Variants in FAM185A observed in about 807,000 individuals in gnomAD.
FAM185A encodes protein FAM185A.
A neutral mutation model predicts 45.7 loss-of-function variants in FAM185A; 21 were observed. That is an observed-to-expected ratio of 0.46 (90% CI 0.33 to 0.66). The LOEUF is 0.66. Ranked by LOEUF, FAM185A falls within the 30% of genes least tolerant of loss-of-function variation. The probability of loss-of-function intolerance (pLI) is 0.03; values close to 1 mark genes in which losing one functional copy is unlikely to be tolerated. For missense variants in FAM185A, 305 were observed against 485.4 expected, an observed-to-expected ratio of 0.63 and a Z score of 3.49; for synonymous variants, 117 against 194.0, an observed-to-expected ratio of 0.60 and a Z score of 3.30.
At chr7:102,755,815 A>T (rs912730948) in intron 2 of FAM185A, 1 of 676,610 alleles carries the variant, frequency 1.5e-6, no homozygotes, top group African/African-American at 1.8e-5. Context: ...GGGACCAATT[A>T]CAATGCCAGA....
chr7:102,757,360 G>A (rs1362532196), intron 2 of FAM185A, among the ~76,000 whole-genome samples: 1 of 152,020 alleles, frequency 6.6e-6, no homozygotes, highest in African/African-American at 2.4e-5. Context: ...TCTGAATCTT[G>A]GCATTCTTCC....
At chr7:102,782,085 C>T (rs200617075) in intron 6 of FAM185A, among the ~76,000 whole-genome samples, 11 of 150,644 alleles carry the variant, frequency 7.3e-5, no homozygotes, top group African/African-American at 9.8e-5. Flanking sequence ...TGAAATGAAG[C>T]GAGAAGTTTA....
intron 4 of FAM185A, among the ~76,000 whole-genome samples, chr7:102,766,688 G>T (rs1255071187): frequency 1.3e-5 from 2 of 151,808 alleles, no homozygotes; most frequent in Non-Finnish European, 2.9e-5. Flanking sequence ...TGAAATTCTA[G>T]TATTTATTCC....
intron 7 of FAM185A, among the ~76,000 whole-genome samples, chr7:102,805,928 T>G (rs1038124236): frequency 2.0e-5 from 3 of 152,168 alleles, no homozygotes; most frequent in Non-Finnish European, 4.4e-5. Flanking sequence ...GGCTCATGGG[T>G]GTGACCTCCT....
Position 102,757,938 on chromosome 7 carries a change from G to C in FAM185A, c.646G>C (p.Asp216His). The C allele has an allele frequency of 1.3e-6, 2 of 1,530,734 alleles. No individual in the cohort carries two copies. Among genetic ancestry groups the C allele is most frequent in the Admixed American group, 2.2e-5 (1 of 45,292 alleles). The allele number at this position is 1,530,734 out of a possible 1,614,324, so 94.8% of individuals were successfully genotyped here. A position where few individuals can be genotyped will look rare whatever the true frequency, so the allele number is the denominator to read the frequency against. ...VYGNIDIHAS[D>H]KSAVTIDKLQ... The stretch of plus-strand genomic sequence containing the variant: ...TGGAAATATAGATATTCATGCATCA[G>C]ATAAAAGTGTAAGATTGAAACTTTC... The change falls in exon 3 of 8, where the codon GAT (aspartate) becomes CAT (histidine). Residue 216 changes from aspartate (D) to histidine (H), a missense_variant. Asp to His is a moderately conservative substitution (Grantham distance 81, BLOSUM62 -1). This residue lies in a region of FAM185A where 12 missense variants were observed against 46.4 expected (regional missense o/e 0.26). Transcript: ENST00000413034.
At chr7:102,819,676 G>A in the FAM185A span, among the ~76,000 whole-genome samples, 1 of 152,132 alleles carries the variant, frequency 6.6e-6, no homozygotes, top group Non-Finnish European at 1.5e-5. Context: ...AAGACATTGA[G>A]CTTCTTCCCA....
At chr7:102,754,244 A>G (rs1196987525) in intron 2 of FAM185A, among the ~76,000 whole-genome samples, 2 of 151,856 alleles carry the variant, frequency 1.3e-5, no homozygotes, top group African/African-American at 2.4e-5. Context: ...TCTGTTGCCC[A>G]GGCTGGAGTG....
chr7:102,783,040 A>G lies in FAM185A; in HGVS notation c.932-4295A>G, dbSNP rs554751678. Among the ~76,000 whole-genome samples, 19 of 152,168 alleles carry G rather than the reference A, an allele frequency of 1.2e-4. No homozygotes were observed. The East Asian group carries it at 3.7e-3, about 29-fold the overall frequency. ...ACAGACTTTAAACCAGCAAAGATCA[A>G]AAGAGACAAAGAAGGCCATTACATA... On this transcript the variant is annotated intron_variant, in intron 6 of 7. Coordinates refer to ENST00000413034, the MANE Select transcript of FAM185A (RefSeq NM_001145268.2).
At chr7:102,767,133 G>GC (rs1794459677) in intron 4 of FAM185A, among the ~76,000 whole-genome samples, 1 of 51,086 alleles carries the variant, frequency 2.0e-5, no homozygotes. Flanking sequence ...AAGAATTACA[G>GC]CTTTTTTTTT....
At position 102,794,821 on chromosome 7, in the gene FAM185A, C is replaced by T. The variant is rs559057255; in HGVS notation, c.1066+7352C>T. On this transcript the variant is annotated intron_variant, in intron 7 of 7. Transcript: ENST00000413034. ...GGTATGTCCACATAAGGTAATTCAC[C>T]GACAAAGGGAACAATCTGTTGATGT... Among the ~76,000 whole-genome samples the T allele has an allele frequency of 1.5e-4, 23 of 152,126 alleles. No individual in the cohort carries two copies. In the South Asian group the frequency reaches 3.5e-3, roughly 23 times the overall value.
At chr7:102,817,736 T>C in the FAM185A span, among the ~76,000 whole-genome samples, 1 of 152,132 alleles carries the variant, frequency 6.6e-6, no homozygotes, top group Non-Finnish European at 1.5e-5. Flanking sequence ...CTAGGAAATA[T>C]TGAAAAAAAC....
At chr7:102,831,431 A>ACACACACCCCCCCCC in the FAM185A span, among the ~76,000 whole-genome samples, 9 of 147,124 alleles carry the variant, frequency 6.1e-5, no homozygotes, top group African/African-American at 2.2e-4. Flanking sequence ...ACACACACAC[A>ACACACACCCCCCCCC]CCCCACTACA....
chr7:102,788,525 A>T (rs956540651), intron 7 of FAM185A, among the ~76,000 whole-genome samples: 2 of 152,194 alleles, frequency 1.3e-5, no homozygotes, highest in Non-Finnish European at 2.9e-5. Flanking sequence ...GTTAAAATTC[A>T]TAGAATATTA....
chr7:102,844,659 T>C, the FAM185A span, among the ~76,000 whole-genome samples: 3 of 152,212 alleles, frequency 2.0e-5, no homozygotes, highest in Non-Finnish European at 4.4e-5. Flanking sequence ...TGGGTTTTTC[T>C]ATACACTGAC....
the FAM185A span, among the ~76,000 whole-genome samples, chr7:102,841,721 G>A: frequency 6.6e-5 from 10 of 152,300 alleles, no homozygotes; most frequent in East Asian, 1.9e-3. Flanking sequence ...TTTGCTCACA[G>A]GCTTTGAAGA....
chr7:102,768,534 T>C (rs1047375371), intron 4 of FAM185A, among the ~76,000 whole-genome samples: 1 of 135,292 alleles, frequency 7.4e-6, no homozygotes, highest in African/African-American at 2.7e-5. Context: ...AGTGTCTCCC[T>C]TTCCACCTCC....
the FAM185A span, among the ~76,000 whole-genome samples, chr7:102,831,072 T>C: frequency 3.9e-5 from 6 of 152,188 alleles, no homozygotes; most frequent in Non-Finnish European, 7.3e-5. Context: ...TCAGTCATTT[T>C]AGGTCTTTCA....
the FAM185A span, among the ~76,000 whole-genome samples, chr7:102,844,046 C>T: frequency 3.4e-3 from 513 of 152,278 alleles, 4 homozygotes; most frequent in African/African-American, 0.012. Flanking sequence ...ATATAAGCCA[C>T]AAACCAGGCA....
chr7:102,784,482 A>C (rs1232754567), intron 6 of FAM185A, among the ~76,000 whole-genome samples: 1 of 152,254 alleles, frequency 6.6e-6, no homozygotes, highest in Non-Finnish European at 1.5e-5. Flanking sequence ...AAGTTTATCT[A>C]CCATGATCAA....
Sources: allele counts gnomAD v4.1 joint callset (sites outside exome capture counted in the v4.1 genomes callset), GRCh38; gene constraint gnomAD v4.1.1; regional missense constraint gnomAD v4.1.1; transcripts MANE v1.5; gene names NCBI Gene and HGNC (gene_info 2026-07-23, HGNC 2026-07-21).